The following ADAMTSL1 variants were observed in gnomAD, a reference collection of about 807,000 sequenced individuals.
ADAMTSL1 encodes ADAMTS like 1.
In ADAMTSL1, 126 loss-of-function variants were observed where a neutral mutation model predicts 201.8. The observed-to-expected ratio is 0.62, with a 90% CI of 0.54 to 0.72. The LOEUF (loss-of-function observed/expected upper bound fraction) is 0.72. ADAMTSL1 is among the 30% of genes least tolerant of loss of function. The pLI, the probability that ADAMTSL1 is intolerant of heterozygous loss-of-function variation, is 0.00. For missense variants in ADAMTSL1, 2,679 were observed against 2,277.8 expected (o/e 1.18, Z -3.59); for synonymous variants, 1,121 against 903.4 (o/e 1.24, Z -4.32).
intron 1 of ADAMTSL1, among the ~76,000 whole-genome samples, chr9:17,947,304 TACACACATACAC>T (rs1827532710): frequency 2.3e-5 from 2 of 85,926 alleles, no homozygotes; most frequent in Admixed American, 1.5e-4. Flanking sequence ...ATTTACCTTA[TACACACATACAC>T]ACACACACAC....
At chr9:18,609,689 T>G (rs1205703832) in intron 4 of ADAMTSL1, among the ~76,000 whole-genome samples, 1 of 152,112 alleles carries the variant, frequency 6.6e-6, no homozygotes, top group Non-Finnish European at 1.5e-5. Flanking sequence ...AGAAAATACC[T>G]GCTATTTGCA....
At chr9:18,523,589 T>A (rs1818841642) in intron 2 of ADAMTSL1, among the ~76,000 whole-genome samples, 1 of 151,892 alleles carries the variant, frequency 6.6e-6, no homozygotes, top group South Asian at 2.1e-4. Flanking sequence ...AACGTTGAAG[T>A]CTTTAATCCA....
chr9:18,551,791 A>T (rs1161345697), intron 3 of ADAMTSL1, among the ~76,000 whole-genome samples: 2 of 151,642 alleles, frequency 1.3e-5, no homozygotes, highest in African/African-American at 2.4e-5. Flanking sequence ...TACTATAAGC[A>T]TTTACTTTTG....
intron 2 of ADAMTSL1, among the ~76,000 whole-genome samples, chr9:18,278,450 T>C (rs986204605): frequency 6.6e-6 from 1 of 152,178 alleles, no homozygotes; most frequent in Admixed American, 6.5e-5. Flanking sequence ...GTTATTTTTT[T>C]TCTTTCAGCA....
chr9:18,087,322 C>A (rs1403836317), intron 1 of ADAMTSL1, among the ~76,000 whole-genome samples: 3 of 151,990 alleles, frequency 2.0e-5, no homozygotes, highest in African/African-American at 4.8e-5. Flanking sequence ...TGGAGGAAAA[C>A]AAACTGTTCA....
intron 26 of ADAMTSL1, among the ~76,000 whole-genome samples, chr9:18,899,371 C>A (rs958500707): frequency 6.6e-6 from 1 of 152,130 alleles, no homozygotes; most frequent in Non-Finnish European, 1.5e-5. Context: ...GGCCATACTG[C>A]CCAAAGGAGT....
At chr9:18,761,565 A>T (rs528498837) in intron 16 of ADAMTSL1, among the ~76,000 whole-genome samples, 1 of 152,310 alleles carries the variant, frequency 6.6e-6, no homozygotes, top group East Asian at 1.9e-4. Flanking sequence ...ATTATTTTAA[A>T]TGATGACTCA....
At chr9:18,173,183 C>T (rs1827982359) in intron 2 of ADAMTSL1, among the ~76,000 whole-genome samples, 1 of 152,106 alleles carries the variant, frequency 6.6e-6, no homozygotes, top group Non-Finnish European at 1.5e-5. Context: ...ATAACAAAAA[C>T]TTGGGATAAT....
chr9:18,385,816 T>C (rs1278890587), intron 2 of ADAMTSL1, among the ~76,000 whole-genome samples: 1 of 152,196 alleles, frequency 6.6e-6, no homozygotes, highest in Non-Finnish European at 1.5e-5. Context: ...TTGTCACATT[T>C]ATAGTCCCAA....
intron 1 of ADAMTSL1, among the ~76,000 whole-genome samples, chr9:18,490,100 A>G (rs1029444357): frequency 6.6e-6 from 1 of 152,158 alleles, no homozygotes; most frequent in Non-Finnish European, 1.5e-5. Flanking sequence ...GTCCCAAACC[A>G]TCATTCCTAT....
intron 2 of ADAMTSL1, among the ~76,000 whole-genome samples, chr9:18,202,644 C>T (rs957805377): frequency 3.9e-5 from 6 of 152,194 alleles, no homozygotes; most frequent in African/African-American, 1.4e-4. Context: ...GAAGACTATG[C>T]ATCCGTTGCA....
intron 2 of ADAMTSL1, among the ~76,000 whole-genome samples, chr9:18,271,033 A>G (rs1159598090): frequency 6.6e-6 from 1 of 150,436 alleles, no homozygotes; most frequent in Non-Finnish European, 1.5e-5. Context: ...GAGCACCTAC[A>G]TTAGTCTGCA....
intron 5 of ADAMTSL1, among the ~76,000 whole-genome samples, chr9:18,623,220 G>A (rs539307964): frequency 1.6e-4 from 24 of 148,546 alleles, no homozygotes; most frequent in Non-Finnish European, 3.0e-4. Context: ...ATTGACCTTT[G>A]TGTCCTGGTA....
At chr9:18,876,301 C>CGTGTCTGTGTGTGT (rs1554653509) in intron 23 of ADAMTSL1, among the ~76,000 whole-genome samples, 1 of 139,630 alleles carries the variant, frequency 7.2e-6, no homozygotes, top group African/African-American at 2.7e-5. Flanking sequence ...TGCCTGAATA[C>CGTGTCTGTGTGTGT]GTGTGTGTGT....
intron 1 of ADAMTSL1, among the ~76,000 whole-genome samples, chr9:18,483,087 G>A (rs1821810527): frequency 6.6e-6 from 1 of 152,190 alleles, no homozygotes; most frequent in Non-Finnish European, 1.5e-5. Context: ...TGCGGAATGT[G>A]ACCTCAGTTG....
At chr9:18,691,793 G>C (rs1192057881) in intron 13 of ADAMTSL1, among the ~76,000 whole-genome samples, 1 of 152,108 alleles carries the variant, frequency 6.6e-6, no homozygotes, top group East Asian at 1.9e-4. Flanking sequence ...TGTGAAGTGA[G>C]GTAATCACTA....
At chr9:18,066,597 G>A (rs1021301965) in intron 1 of ADAMTSL1, among the ~76,000 whole-genome samples, 1 of 151,974 alleles carries the variant, frequency 6.6e-6, no homozygotes, top group Admixed American at 6.6e-5. Context: ...TCTCATTTAG[G>A]TATGTTGTTG....
At chr9:18,805,823 C>A (rs568487872) in intron 20 of ADAMTSL1, among the ~76,000 whole-genome samples, 1 of 152,310 alleles carries the variant, frequency 6.6e-6, no homozygotes, top group East Asian at 1.9e-4. Context: ...GATCTCAAAC[C>A]TGTTTGCTGT....
chr9:18,908,630 AT>A lies in ADAMTSL1; in HGVS notation c.*86del. 1 of 1,122,604 alleles carries A rather than the reference AT, an allele frequency of 8.9e-7. No homozygotes were observed. The highest frequency in any genetic ancestry group is 1.3e-6 in the Non-Finnish European group (1 of 789,062). 69.5% of individuals were successfully genotyped at this position (1,122,604 alleles called of 1,614,324 possible). ...CTCGGACAGAACCTAAGCTTTCTTC[AT>A]TTTATTTATTTATTTCCCCCTCCCC... On this transcript the variant is annotated 3_prime_UTR_variant, in exon 29 of 29. Transcript: ENST00000380548.
Sources: gnomAD v4.1 joint callset for allele counts (sites outside exome capture counted in the v4.1 genomes callset) on GRCh38, gnomAD v4.1.1 for gene constraint, MANE v1.5 for transcripts, NCBI Gene and HGNC (gene_info 2026-07-23, HGNC 2026-07-21) for gene names.